The following ZCCHC4 variants were observed in gnomAD, a reference collection of about 807,000 sequenced individuals.
ZCCHC4 encodes the protein rRNA N(6)-adenosine-methyltransferase ZCCHC4.
Under a neutral mutation model 67.7 loss-of-function variants are expected in ZCCHC4, and 54 were observed. That is an observed-to-expected ratio of 0.80 (90% CI 0.64 to 1.00). ZCCHC4 has a LOEUF of 1.00. ZCCHC4 is among the 50% of genes least tolerant of loss of function. The pLI is 0.00. For synonymous variants in ZCCHC4, 198 were observed against 213.5 expected (o/e 0.93, Z 0.63); for missense variants, 609 against 617.0 (o/e 0.99, Z 0.14).
Position 25,344,136 on chromosome 4 carries a change from G to A in ZCCHC4, c.687-1412G>A, listed in dbSNP as rs75175083. Among the ~76,000 whole-genome samples, 1,028 of 152,230 alleles carry A rather than the reference G, an allele frequency of 6.8e-3. 9 individuals are homozygous for A. The highest frequency in any genetic ancestry group is 0.023 in the African/African-American group (965 of 41,524). ...TATAGAAAGTTCCACCTTATAAGTAGTCAAATGCAGATTTAAGTCATAATG... is the reference window on the plus strand; with the variant it reads ...TATAGAAAGTTCCACCTTATAAGTAATCAAATGCAGATTTAAGTCATAATG... On this transcript the variant is annotated intron_variant, in intron 5 of 12. Transcript: ENST00000302874.
At chr4:25,340,554 G>A (rs942572420) in intron 5 of ZCCHC4, among the ~76,000 whole-genome samples, 1 of 152,078 alleles carries the variant, frequency 6.6e-6, no homozygotes, top group East Asian at 1.9e-4. Context: ...TTTTTAAAGG[G>A]ATTGCATTGA....
intron 4 of ZCCHC4, 138 bp downstream of exon 4, chr4:25,333,596 T>A: frequency 1.0e-6 from 1 of 975,114 alleles, no homozygotes; most frequent in South Asian, 1.8e-5. Context: ...ACAGTCCCTC[T>A]CTTAAGGAGT....
chr4:25,314,824 C>T (rs943300952), intron 2 of ZCCHC4, among the ~76,000 whole-genome samples: 3 of 152,196 alleles, frequency 2.0e-5, no homozygotes, highest in South Asian at 2.1e-4. Context: ...AAATCATGAT[C>T]ATTCCAGAAA....
intron 8 of ZCCHC4, among the ~76,000 whole-genome samples, chr4:25,353,650 A>G (rs1720403219): frequency 6.6e-6 from 1 of 152,252 alleles, no homozygotes; most frequent in Non-Finnish European, 1.5e-5. Context: ...GTGAAATAGC[A>G]TGAACCCTGG....
intron 3 of ZCCHC4, among the ~76,000 whole-genome samples, chr4:25,330,169 T>C (rs1719106527): frequency 6.6e-6 from 1 of 152,036 alleles, no homozygotes; most frequent in African/African-American, 2.4e-5. Context: ...TTTTGTATTT[T>C]TAGTAGAGAC....
intron 5 of ZCCHC4, among the ~76,000 whole-genome samples, chr4:25,335,988 C>T (rs1719439447): frequency 6.6e-6 from 1 of 152,146 alleles, no homozygotes; most frequent in Non-Finnish European, 1.5e-5. Context: ...ATGATATAGA[C>T]TTCTTAAAGA....
chr4:25,342,384 A>C (rs536019607), intron 5 of ZCCHC4, among the ~76,000 whole-genome samples: 1 of 152,294 alleles, frequency 6.6e-6, no homozygotes, highest in South Asian at 2.1e-4. Flanking sequence ...CTCAAACTCC[A>C]GTGTTCTCTA....
intron 5 of ZCCHC4, among the ~76,000 whole-genome samples, chr4:25,345,078 C>T (rs1719941893): frequency 6.6e-6 from 1 of 152,062 alleles, no homozygotes; most frequent in East Asian, 1.9e-4. Flanking sequence ...GCTAGAATTA[C>T]AGGTGTGAGC....
chr4:25,324,384 G>A (rs1288561993), intron 3 of ZCCHC4, among the ~76,000 whole-genome samples: 1 of 152,110 alleles, frequency 6.6e-6, no homozygotes, highest in Non-Finnish European at 1.5e-5. Context: ...ATTTATCCAT[G>A]TTGATGTGTT....
Position 25,361,951 on chromosome 4 carries a change from A to T in ZCCHC4, c.1104A>T (p.Lys368Asn). Residue 368 changes from lysine (K) to asparagine (N), a missense_variant, in exon 9 of 13, where the codon AAA becomes AAT. Physicochemically the swap from Lys to Asn is moderately conservative, Grantham distance 94. Transcript: ENST00000302874. ...VRIFTNIPPNKIILPTEEGYR... is the reference protein window; with the variant it reads ...VRIFTNIPPNNIILPTEEGYR... ...TTTTCACCAACATTCCGCCCAACAA[A>T]ATAATCCTTCCTACTGAAGAAGGGT... The T allele has an allele frequency of 6.2e-7, 1 of 1,614,018 alleles. No individual in the cohort carries two copies. Among genetic ancestry groups the T allele is most frequent in the Non-Finnish European group, 8.5e-7 (1 of 1,179,956 alleles).
At chr4:25,344,531 A>G (rs1245626567) in intron 5 of ZCCHC4, among the ~76,000 whole-genome samples, 2 of 151,320 alleles carry the variant, frequency 1.3e-5, no homozygotes, top group African/African-American at 4.9e-5. Flanking sequence ...GTTAATGGGT[A>G]CAGCACACCA....
chr4:25,324,512 T>G (rs1718757810), intron 3 of ZCCHC4, among the ~76,000 whole-genome samples: 2 of 152,226 alleles, frequency 1.3e-5, no homozygotes, highest in African/African-American at 4.8e-5. Context: ...AAAGCTGCTA[T>G]GAACATTTAT....
intron 8 of ZCCHC4, among the ~76,000 whole-genome samples, chr4:25,353,961 A>G (rs1042210832): frequency 1.3e-5 from 2 of 152,210 alleles, no homozygotes; most frequent in Non-Finnish European, 2.9e-5. Context: ...TTAAAATTGC[A>G]TAATTGTATA....
chr4:25,329,784 C>T (rs985118237), intron 3 of ZCCHC4, among the ~76,000 whole-genome samples: 20 of 151,944 alleles, frequency 1.3e-4, no homozygotes, highest in African/African-American at 4.4e-4. Flanking sequence ...CTGCCTGCCT[C>T]GGCCTCCCAT....
In ZCCHC4 at chr4:25,359,285, C is replaced by T. The variant is rs922881680; in HGVS notation, c.1012-2574C>T. Among the ~76,000 whole-genome samples, 3 of 152,148 alleles carry T rather than the reference C, an allele frequency of 2.0e-5. No individual in the cohort carries two copies. Among genetic ancestry groups the T allele is most frequent in the Admixed American group, 6.5e-5 (1 of 15,280 alleles). On this transcript the variant is annotated intron_variant, in intron 8 of 12. Transcript: ENST00000302874. This position sits in a 1 kb window ranked among gnomAD's most constrained non-coding sequence, Gnocchi z 4.9. ...GTGCTACGAGAAGTACACACCCAGT[C>T]CCTGAGGGATGCAGTACAGATAAGG... is the stretch of plus-strand genomic sequence containing the variant.
chr4:25,331,054 T>C (rs1719157430), intron 3 of ZCCHC4, among the ~76,000 whole-genome samples: 1 of 152,112 alleles, frequency 6.6e-6, no homozygotes, highest in Admixed American at 6.5e-5. Context: ...AGTGCTCAGC[T>C]CTGTCTCATC....
intron 12 of ZCCHC4, among the ~76,000 whole-genome samples, chr4:25,367,447 C>T (rs112289450): frequency 0.013 from 1,988 of 152,220 alleles, 23 homozygotes; most frequent in South Asian, 0.041. Context: ...CATTTTTAGT[C>T]CTGCTTATAA....
rs185230971 is a variant in ZCCHC4, at chr4:25,328,715, G to A, written c.330-4468G>A. ...CCCCACCTCAGCCTCCTGAGCAGCT[G>A]CAACTACAGGCACTTGCCACCACAC... On this transcript the variant is annotated intron_variant, in intron 3 of 12. Coordinates refer to ENST00000302874, the MANE Select transcript of ZCCHC4 (RefSeq NM_024936.3). Among the ~76,000 whole-genome samples, 430 of 151,830 alleles carry A rather than the reference G, an allele frequency of 2.8e-3. 3 individuals are homozygous for A. The highest frequency in any genetic ancestry group is 5.2e-3 in the Non-Finnish European group (352 of 67,958).
In ZCCHC4 at chr4:25,312,839, C is replaced by G. The variant is rs746189830; in HGVS notation, c.30C>G (p.Ala10=). The change falls in exon 1 of 13, where the codon GCC becomes GCG. Residue 10 remains alanine, a synonymous_variant. Coordinates refer to ENST00000302874, the MANE Select transcript of ZCCHC4 (RefSeq NM_024936.3). MAASRNGFE[A]VEAEGSAGCR... is the part of the protein sequence containing the mutation. The stretch of plus-strand genomic sequence containing the variant: ...CGGCCTCCAGGAATGGGTTTGAAGC[C>G]GTGGAGGCAGAGGGCAGCGCAGGGT... The G allele has an allele frequency of 9.0e-5, 145 of 1,613,136 alleles. No individual in the cohort carries two copies. Among genetic ancestry groups the G allele is most frequent in the Non-Finnish European group, 1.2e-4 (143 of 1,180,024 alleles).
Sources: gnomAD v4.1 joint callset for allele counts (sites outside exome capture counted in the v4.1 genomes callset) on GRCh38, gnomAD v4.1.1 for gene constraint, Gnocchi (gnomAD v3.1) non-coding constraint, MANE v1.5 for transcripts, NCBI Gene and HGNC (gene_info 2026-07-23, HGNC 2026-07-21) for gene names.